The following CFAP47 variants were observed in gnomAD, a reference collection of about 807,000 sequenced individuals.
CFAP47 encodes cilia- and flagella-associated protein 47.
CFAP47 carries 29 observed loss-of-function variants against 148.1 expected under a neutral mutation model. That is an observed-to-expected ratio of 0.20 (90% CI 0.15 to 0.27). The LOEUF is 0.27. Ranked by LOEUF, CFAP47 falls within the 10% of genes least tolerant of loss-of-function variation. The pLI is 1.00. For synonymous variants in CFAP47, 664 were observed against 577.3 expected, an observed-to-expected ratio of 1.15 and a Z score of -2.15; for missense variants, 1,872 against 1,697.5, an observed-to-expected ratio of 1.10 and a Z score of -1.81.
intron 17 of CFAP47, among the ~76,000 whole-genome samples, chrX:35,992,645 C>T (rs894321446): frequency 1.8e-5 from 2 of 111,136 alleles, no homozygotes; most frequent in African/African-American, 6.5e-5. Context: ...ATTATTCTAG[C>T]TTAAAGCATG....
chrX:36,033,890 A>G (rs1937309848), intron 23 of CFAP47, among the ~76,000 whole-genome samples: 1 of 111,783 alleles, frequency 8.9e-6, no homozygotes, highest in Admixed American at 9.5e-5. Flanking sequence ...CATAATGTTC[A>G]GATTTACTAA....
intron 49 of CFAP47, among the ~76,000 whole-genome samples, chrX:36,259,632 G>A (rs1424356841): frequency 9.0e-6 from 1 of 111,225 alleles, no homozygotes; most frequent in Non-Finnish European, 1.9e-5. Context: ...GCTGGAATTG[G>A]AACCTGGGAA....
intron 33 of CFAP47, among the ~76,000 whole-genome samples, chrX:36,112,821 T>G (rs1382081825): frequency 1.8e-5 from 2 of 112,172 alleles, no homozygotes; most frequent in African/African-American, 6.5e-5. Flanking sequence ...AGTTAGGCAT[T>G]CATGTTGAAT....
At chrX:36,383,819 T>A (rs782612668) in intron 63 of CFAP47, among the ~76,000 whole-genome samples, 2 of 111,770 alleles carry the variant, frequency 1.8e-5, no homozygotes, top group South Asian at 7.5e-4. Flanking sequence ...CTGAATGAGT[T>A]TTCTGAGTAT....
chrX:36,268,657 GTGTC>G (rs1310919019), intron 49 of CFAP47, among the ~76,000 whole-genome samples: 1 of 112,080 alleles, frequency 8.9e-6, no homozygotes, highest in Non-Finnish European at 1.9e-5. Flanking sequence ...GTGTGTATGT[GTGTC>G]TGTATGTCTG....
chrX:36,123,764 C>G (rs1938789310), intron 33 of CFAP47, among the ~76,000 whole-genome samples: 1 of 111,534 alleles, frequency 9.0e-6, no homozygotes, highest in Admixed American at 9.5e-5. Context: ...CAGGAGCCCA[C>G]TTGGTGCTCT....
At position 36,385,282 on chromosome X, in the gene CFAP47, T is replaced by C; in HGVS notation, c.*276T>C. On this transcript the variant is annotated 3_prime_UTR_variant, in exon 64 of 64. Coordinates refer to ENST00000378653, the MANE Select transcript of CFAP47 (RefSeq NM_001304548.2). ...ATTTAAATGACAACAGTATTTCCAA[T>C]AACAGCGTTGCTAATAAAGCTAAAT... 8.1e-6 allele frequency: 2 copies of C among 247,123 alleles called. No homozygotes were observed. The highest frequency in any genetic ancestry group is 1.4e-5 in the Non-Finnish European group (2 of 139,973). 20.4% of individuals were successfully genotyped at this position (247,123 alleles called of 1,213,427 possible). A position where few individuals can be genotyped will look rare whatever the true frequency, so the allele number is the denominator to read the frequency against.
intron 49 of CFAP47, among the ~76,000 whole-genome samples, chrX:36,262,928 A>G (rs782251165): frequency 8.9e-6 from 1 of 111,978 alleles, no homozygotes; most frequent in South Asian, 3.7e-4. Context: ...GTGAGATGAT[A>G]TCTCATTATA....
At chrX:36,003,364 T>G (rs183618125) in intron 21 of CFAP47, among the ~76,000 whole-genome samples, 3 of 109,265 alleles carry the variant, frequency 2.7e-5, no homozygotes, top group Admixed American at 9.8e-5. Flanking sequence ...GCATCTATAC[T>G]TGTAAGGAAC....
chrX:36,065,646 T>G lies in CFAP47; in HGVS notation c.4221T>G (p.Phe1407Leu). ...AATGCAATGTTTTCACTTTCAGGTT[T>G]TCACTTCCAGTTACTGCAACAGCAG... ...LLFCDDRKNW[F>L]SLPVTATAEN... The change falls in exon 27 of 64, where the codon TTT becomes TTG. Residue 1407 changes from phenylalanine to leucine, a missense_variant. Coordinates refer to ENST00000378653, the MANE Select transcript of CFAP47 (RefSeq NM_001304548.2). The G allele has an allele frequency of 8.5e-7, 1 of 1,176,262 alleles. No individual in the cohort carries two copies. The highest frequency in any genetic ancestry group is 1.2e-6 in the Non-Finnish European group (1 of 867,860).
intron 29 of CFAP47, among the ~76,000 whole-genome samples, chrX:36,081,978 T>A (rs1937991260): frequency 2.7e-5 from 3 of 111,732 alleles, no homozygotes; most frequent in Non-Finnish European, 5.7e-5. Context: ...GAGAAGTCCT[T>A]TTCAGAGCAA....
chrX:36,027,527 T>C (rs1026131761), intron 22 of CFAP47, among the ~76,000 whole-genome samples: 1 of 111,264 alleles, frequency 9.0e-6, no homozygotes, highest in African/African-American at 3.3e-5. Context: ...TCATTCTTTT[T>C]TATGGCTGAG....
chrX:36,187,820 A>G (rs182189642), intron 40 of CFAP47, among the ~76,000 whole-genome samples: 2 of 111,744 alleles, frequency 1.8e-5, no homozygotes, highest in Admixed American at 1.9e-4. Context: ...ATCAAAATCA[A>G]ATGGTGAAAA....
At chrX:36,235,386 A>T (rs1419189254) in intron 46 of CFAP47, among the ~76,000 whole-genome samples, 1 of 112,233 alleles carries the variant, frequency 8.9e-6, no homozygotes, top group Non-Finnish European at 1.9e-5. Context: ...TGTGCTAGCA[A>T]TCAGCGAGAC....
chrX:36,356,984 A>G (rs782587415), intron 60 of CFAP47, among the ~76,000 whole-genome samples: 5 of 112,300 alleles, frequency 4.5e-5, no homozygotes, highest in African/African-American at 6.5e-5. Flanking sequence ...GCTTTTAAAT[A>G]CCTTCCACCA....
chrX:35,950,924 A>G (rs1018441937), intron 4 of CFAP47, among the ~76,000 whole-genome samples: 15 of 111,634 alleles, frequency 1.3e-4, no homozygotes, highest in African/African-American at 4.9e-4. Context: ...GGCTGCACAT[A>G]TGCCATTCCA....
At chrX:36,194,570 G>T (rs781861869) in intron 42 of CFAP47, among the ~76,000 whole-genome samples, 1 of 111,788 alleles carries the variant, frequency 8.9e-6, no homozygotes, top group Non-Finnish European at 1.9e-5. Context: ...ATGGTTCTGC[G>T]GGCTGTATAG....
intron 55 of CFAP47, 66 bp downstream of exon 55, chrX:36,306,942 T>G (rs1941355314): frequency 2.2e-6 from 1 of 444,622 alleles, no homozygotes; most frequent in Non-Finnish European, 3.5e-6. Context: ...TAAATAAATA[T>G]AATTCATCAT....
At chrX:36,292,355 G>A (rs1941201483) in intron 51 of CFAP47, among the ~76,000 whole-genome samples, 1 of 111,762 alleles carries the variant, frequency 8.9e-6, no homozygotes, top group Non-Finnish European at 1.9e-5. Flanking sequence ...AGATTATAAT[G>A]ATCACTTCCT....
Sources: gnomAD v4.1 joint callset for allele counts (sites outside exome capture counted in the v4.1 genomes callset) on GRCh38, gnomAD v4.1.1 for gene constraint, MANE v1.5 for transcripts, NCBI Gene and HGNC (gene_info 2026-07-23, HGNC 2026-07-21) for gene names.